SMIM36: variants seen among roughly 807,000 people sequenced by gnomAD.
SMIM36 encodes the protein small integral membrane protein 36.
At chr17:55,457,857 C>T (rs1909056708) in intron 4 of SMIM36, among the ~76,000 whole-genome samples, 1 of 152,104 alleles carries the variant, frequency 6.6e-6, no homozygotes, top group African/African-American at 2.4e-5. Context: ...AAAATGTTGA[C>T]ATCTGTAGAG....
At chr17:55,494,607 T>C (rs1909774388) in intron 1 of SMIM36, among the ~76,000 whole-genome samples, 1 of 152,078 alleles carries the variant, frequency 6.6e-6, no homozygotes, top group Non-Finnish European at 1.5e-5. Context: ...GTACATATAA[T>C]TTATAAGAAT....
chr17:55,501,943 G>A (rs993154474), intron 1 of SMIM36, among the ~76,000 whole-genome samples: 5 of 147,938 alleles, frequency 3.4e-5, no homozygotes, highest in Admixed American at 6.7e-5. Context: ...TTCCCTTTCC[G>A]AGTCAAAGAA....
intron 4 of SMIM36, among the ~76,000 whole-genome samples, chr17:55,451,684 C>A (rs531184484): frequency 1.3e-5 from 2 of 152,302 alleles, no homozygotes; most frequent in Admixed American, 1.3e-4. Context: ...AATGAATTTA[C>A]CAGTTTTCCT....
chr17:55,473,119 T>G (rs1379683475), intron 3 of SMIM36, among the ~76,000 whole-genome samples: 1 of 152,052 alleles, frequency 6.6e-6, no homozygotes, highest in African/African-American at 2.4e-5. Context: ...GCTCAGTCCA[T>G]TCTTTCTTCC....
chr17:55,492,158 CAA>C (rs112417272), intron 1 of SMIM36, among the ~76,000 whole-genome samples: 4 of 128,226 alleles, frequency 3.1e-5, no homozygotes, highest in Non-Finnish European at 3.5e-5. Context: ...GAAACCATCT[CAA>C]AAAAAAAAAG....
Position 55,460,455 on chromosome 17 carries a change from A to AAAAAAAAAAAAC in SMIM36, c.*531+6689_*531+6690insGTTTTTTTTTTT, listed in dbSNP as rs1567862737. On this transcript the variant is annotated intron_variant, in intron 4 of 4. Transcript: ENST00000636752. ...AAACAAAAAACAAAAAACAAAACAAAAAAAAAGAACAACAACAACAAAAAA... is the reference window on the plus strand; with the variant it reads ...AAACAAAAAACAAAAAACAAAACAAAAAAAAAAAAAACAAAAAAGAACAACAACAACAAAAAA... 1.7e-4 allele frequency among the ~76,000 whole-genome samples: 25 copies of AAAAAAAAAAAAC among 148,796 alleles called. 1 individual carries two copies. Among genetic ancestry groups the AAAAAAAAAAAAC allele is most frequent in the African/African-American group, 4.8e-4 (19 of 39,606 alleles).
intron 4 of SMIM36, among the ~76,000 whole-genome samples, chr17:55,452,498 G>A (rs1257550285): frequency 2.0e-5 from 3 of 152,220 alleles, no homozygotes; most frequent in Non-Finnish European, 4.4e-5. Context: ...ATTCTGTCTG[G>A]AGGTAACTTA....
chr17:55,467,419 C>CA (rs1229752679), intron 3 of SMIM36, 91 bp from the exon 4 acceptor site: 2 of 150,462 alleles, frequency 1.3e-5, no homozygotes, highest in African/African-American at 2.5e-5. Context: ...TTTTTTGAGA[C>CA]AGAGTCTCGC....
At chr17:55,470,002 C>T (rs112483418) in intron 3 of SMIM36, among the ~76,000 whole-genome samples, 12,253 of 151,950 alleles carry the variant, frequency 0.081, 533 homozygotes, top group South Asian at 0.14. Context: ...CAAAAAAAAA[C>T]CACAACTTCA....
intron 3 of SMIM36, among the ~76,000 whole-genome samples, chr17:55,468,669 C>T (rs969660082): frequency 2.6e-5 from 4 of 152,130 alleles, no homozygotes; most frequent in Non-Finnish European, 5.9e-5. Context: ...GTGGCTCACC[C>T]GCCCCCTTCT....
the SMIM36 span, among the ~76,000 whole-genome samples, chr17:55,523,852 T>C: frequency 6.6e-6 from 1 of 152,092 alleles, no homozygotes; most frequent in South Asian, 2.1e-4. Context: ...TTCAGAAAAA[T>C]TGTTTCAAGT....
intron 1 of SMIM36, among the ~76,000 whole-genome samples, chr17:55,500,475 A>T (rs966198881): frequency 6.6e-6 from 1 of 152,004 alleles, no homozygotes; most frequent in Non-Finnish European, 1.5e-5. Flanking sequence ...TTCATTTTAT[A>T]TTGAAAAGAT....
At chr17:55,531,878 G>A in the SMIM36 span, among the ~76,000 whole-genome samples, 4 of 152,196 alleles carry the variant, frequency 2.6e-5, no homozygotes, top group Non-Finnish European at 2.9e-5. Flanking sequence ...TAAAGTGAAA[G>A]ATAAGGAGAT....
chr17:55,478,096 C>T (rs1006823747), intron 3 of SMIM36, among the ~76,000 whole-genome samples: 2 of 152,038 alleles, frequency 1.3e-5, no homozygotes, highest in South Asian at 2.1e-4. Flanking sequence ...GGTGAGAGAA[C>T]CACTTGAATC....
chr17:55,517,035 T>C, the SMIM36 span, among the ~76,000 whole-genome samples: 1 of 152,176 alleles, frequency 6.6e-6, no homozygotes, highest in African/African-American at 2.4e-5. Context: ...AGGGTTCAGC[T>C]TTGATTACAT....
the SMIM36 span, among the ~76,000 whole-genome samples, chr17:55,521,457 C>T: frequency 6.6e-6 from 1 of 152,204 alleles, no homozygotes; most frequent in Non-Finnish European, 1.5e-5. Flanking sequence ...TGATGACATT[C>T]TGTATTTCCT....
At chr17:55,510,246 G>C (rs972126560) in intron 1 of SMIM36, among the ~76,000 whole-genome samples, 1 of 152,062 alleles carries the variant, frequency 6.6e-6, no homozygotes, top group African/African-American at 2.4e-5. Flanking sequence ...CTTGGAGTTG[G>C]GAATAGAACG....
At chr17:55,450,147 T>C (rs1311829322) in exon 5 of SMIM36, 1 of 152,158 alleles carries the variant, frequency 6.6e-6, no homozygotes, top group African/African-American at 2.4e-5. Context: ...GGCAGCAGTA[T>C]GACCAGGTAG....
the SMIM36 span, among the ~76,000 whole-genome samples, chr17:55,517,171 C>A: frequency 6.6e-6 from 1 of 152,104 alleles, no homozygotes; most frequent in Admixed American, 6.5e-5. Context: ...GAAACCAGGG[C>A]TACCTTACTA....
Sources: allele counts gnomAD v4.1 joint callset (sites outside exome capture counted in the v4.1 genomes callset), GRCh38; gene constraint gnomAD v4.1.1; transcripts MANE v1.5; gene names NCBI Gene and HGNC (gene_info 2026-07-23, HGNC 2026-07-21).